Variants in TMEM108 observed in about 807,000 individuals in gnomAD.
TMEM108 encodes the protein transmembrane protein 108, also known as cancer/testis antigen 124.
A neutral mutation model predicts 35.1 loss-of-function variants in TMEM108; 12 were observed. The ratio of observed to expected loss-of-function variants is 0.34; its 90% CI spans 0.22 to 0.55. TMEM108 has a LOEUF of 0.55. TMEM108 is among the 20% of genes least tolerant of loss of function. The pLI is 0.89. For missense variants in TMEM108, 680 were observed against 753.3 expected, an observed-to-expected ratio of 0.90 and a Z score of 1.14; for synonymous variants, 287 against 308.6, an observed-to-expected ratio of 0.93 and a Z score of 0.73.
chr3:133,111,443 T>TAAAGAGAGACTGTGTGAA (rs1413753065), intron 2 of TMEM108, among the ~76,000 whole-genome samples: 1 of 152,106 alleles, frequency 6.6e-6, no homozygotes, highest in Non-Finnish European at 1.5e-5. Context: ...CATGAGTCTC[T>TAAAGAGAGACTGTGTGAA]TTAATTAGAG....
chr3:133,081,569 T>G (rs1399712503), intron 2 of TMEM108, among the ~76,000 whole-genome samples: 1 of 152,224 alleles, frequency 6.6e-6, no homozygotes, highest in Non-Finnish European at 1.5e-5. Context: ...ATATGGAATA[T>G]AGATCTGTCA....
At chr3:133,376,721 C>T (rs943580332) in intron 3 of TMEM108, among the ~76,000 whole-genome samples, 5 of 152,178 alleles carry the variant, frequency 3.3e-5, no homozygotes, top group African/African-American at 1.2e-4. Context: ...ATAACCTGCC[C>T]TCAGATTGGT....
intron 2 of TMEM108, 36 bp from the exon 3 acceptor site, chr3:133,229,230 C>G (rs553503674): frequency 1.5e-6 from 2 of 1,371,680 alleles, no homozygotes; most frequent in African/African-American, 1.4e-5. Flanking sequence ...AATTATGTTC[C>G]TCAGATGTAA....
At chr3:133,275,691 G>A (rs1025204845) in intron 3 of TMEM108, among the ~76,000 whole-genome samples, 1 of 152,114 alleles carries the variant, frequency 6.6e-6, no homozygotes, top group African/African-American at 2.4e-5. Context: ...ATCTGGAGCA[G>A]CACTCCATGA....
At chr3:133,099,547 A>G (rs1576317883) in intron 2 of TMEM108, among the ~76,000 whole-genome samples, 3 of 152,242 alleles carry the variant, frequency 2.0e-5, no homozygotes, top group Admixed American at 6.5e-5. Flanking sequence ...CTGAACTTTT[A>G]TGCTCCGTTT....
At chr3:133,198,751 A>G (rs1442459990) in intron 2 of TMEM108, among the ~76,000 whole-genome samples, 2 of 152,122 alleles carry the variant, frequency 1.3e-5, no homozygotes, top group Non-Finnish European at 1.5e-5. Flanking sequence ...GATTTCCTCT[A>G]TTATGTGTCT....
rs144191751 is a variant in TMEM108, at chr3:133,229,729, G to T, written c.40+378G>T. Among the ~76,000 whole-genome samples the T allele has an allele frequency of 6.6e-5, 10 of 152,332 alleles. No homozygotes were observed. The South Asian group carries it at 1.0e-3, about 16-fold the overall frequency. ...TAGTATTCTTCCAGGATGACCTGCT[G>T]TAGATTCCTCATGAAGAGGAAATGG... On this transcript the variant is annotated intron_variant, in intron 3 of 5. Coordinates refer to ENST00000321871, the MANE Select transcript of TMEM108 (RefSeq NM_023943.4).
At chr3:133,310,395 G>C (rs545456716) in intron 3 of TMEM108, among the ~76,000 whole-genome samples, 41 of 152,212 alleles carry the variant, frequency 2.7e-4, no homozygotes, top group Non-Finnish European at 5.3e-4. Flanking sequence ...CCTGTATTGG[G>C]TGCATATATA....
intron 3 of TMEM108, among the ~76,000 whole-genome samples, chr3:133,376,621 GTGTT>G (rs906468887): frequency 6.6e-6 from 1 of 152,146 alleles, no homozygotes; most frequent in Non-Finnish European, 1.5e-5. Flanking sequence ...CTCTGGGTGA[GTGTT>G]CTTTTCAGGC....
intron 3 of TMEM108, among the ~76,000 whole-genome samples, chr3:133,341,947 G>T (rs2071672189): frequency 6.6e-6 from 1 of 151,712 alleles, no homozygotes; most frequent in South Asian, 2.1e-4. Flanking sequence ...AAAACATTGG[G>T]GAAACCCTCC....
chr3:133,237,501 A>T (rs1450480987), intron 3 of TMEM108, among the ~76,000 whole-genome samples: 2 of 152,236 alleles, frequency 1.3e-5, no homozygotes, highest in African/African-American at 4.8e-5. Context: ...GCTGCTTGTC[A>T]TCTGATAATC....
At chr3:133,367,558 G>A (rs544119484) in intron 3 of TMEM108, among the ~76,000 whole-genome samples, 26 of 152,362 alleles carry the variant, frequency 1.7e-4, no homozygotes, top group African/African-American at 5.3e-4. Context: ...GAGCTGTTTC[G>A]TTCCAGGCAA....
intron 2 of TMEM108, among the ~76,000 whole-genome samples, chr3:133,075,478 A>G (rs1297687476): frequency 6.6e-6 from 1 of 152,074 alleles, no homozygotes; most frequent in Non-Finnish European, 1.5e-5. Flanking sequence ...AACATTTCTT[A>G]CTATTTTGCT....
intron 2 of TMEM108, among the ~76,000 whole-genome samples, chr3:133,054,072 G>A (rs1943436815): frequency 6.6e-6 from 1 of 152,182 alleles, no homozygotes; most frequent in African/African-American, 2.4e-5. Flanking sequence ...GTAATGGTGG[G>A]GTAGGCTGAG....
At chr3:133,289,947 C>T (rs1947039332) in intron 3 of TMEM108, among the ~76,000 whole-genome samples, 1 of 152,186 alleles carries the variant, frequency 6.6e-6, no homozygotes, top group Non-Finnish European at 1.5e-5. Flanking sequence ...TTCACATATC[C>T]ATTCAACCAA....
chr3:133,382,890 C>T (rs896892823), intron 4 of TMEM108, among the ~76,000 whole-genome samples: 1 of 152,242 alleles, frequency 6.6e-6, no homozygotes, highest in African/African-American at 2.4e-5. Flanking sequence ...GCAAAGTAAA[C>T]TTTCCATGTC....
intron 2 of TMEM108, among the ~76,000 whole-genome samples, chr3:133,120,463 C>T (rs1944339009): frequency 6.6e-6 from 1 of 152,160 alleles, no homozygotes; most frequent in Admixed American, 6.5e-5. Context: ...CAGTCTTTGC[C>T]TCTTACTGTA....
chr3:133,315,383 A>C (rs1286181419), intron 3 of TMEM108, among the ~76,000 whole-genome samples: 1 of 152,206 alleles, frequency 6.6e-6, no homozygotes, highest in Non-Finnish European at 1.5e-5. Context: ...TTGTTACCTT[A>C]AATGACTTTG....
At chr3:133,366,374 A>G (rs1176244378) in intron 3 of TMEM108, among the ~76,000 whole-genome samples, 2 of 152,306 alleles carry the variant, frequency 1.3e-5, no homozygotes, top group East Asian at 3.9e-4. Flanking sequence ...TCAGCCCTCA[A>G]TAAATGTTTG....
Sources: gnomAD v4.1 joint callset for allele counts (sites outside exome capture counted in the v4.1 genomes callset) on GRCh38, gnomAD v4.1.1 for gene constraint, MANE v1.5 for transcripts, NCBI Gene and HGNC (gene_info 2026-07-23, HGNC 2026-07-21) for gene names.